Variants in GPC6 observed in about 807,000 individuals in gnomAD.
GPC6 encodes the protein glypican 6.
Under a neutral mutation model 55.2 loss-of-function variants are expected in GPC6, and 14 were observed. The observed-to-expected ratio is 0.25, with a 90% CI of 0.17 to 0.40. The LOEUF (loss-of-function observed/expected upper bound fraction) is 0.40, where lower values mean the gene tolerates loss of function less well. GPC6 is among the 10% of genes least tolerant of loss of function. The pLI, the probability that GPC6 is intolerant of heterozygous loss-of-function variation, is 1.00. For synonymous variants in GPC6, 278 were observed against 259.6 expected (o/e 1.07, Z -0.68); for missense variants, 641 against 708.5 (o/e 0.90, Z 1.08).
intron 1 of GPC6, among the ~76,000 whole-genome samples, chr13:93,536,959 G>A (rs1307160986): frequency 6.6e-6 from 1 of 152,084 alleles, no homozygotes; most frequent in Non-Finnish European, 1.5e-5. Flanking sequence ...TTTTCATTTT[G>A]TCAATTTGTT....
At chr13:94,354,184 G>A (rs1424614693) in intron 6 of GPC6, among the ~76,000 whole-genome samples, 1 of 152,038 alleles carries the variant, frequency 6.6e-6, no homozygotes, top group African/African-American at 2.4e-5. Context: ...TCAAACTTCT[G>A]CTCTCCAAGG....
chr13:93,554,866 C>T (rs1225228365), intron 2 of GPC6, among the ~76,000 whole-genome samples: 1 of 152,188 alleles, frequency 6.6e-6, no homozygotes, highest in African/African-American at 2.4e-5. Flanking sequence ...ATCACAGTTT[C>T]AGAATGTGCC....
intron 3 of GPC6, among the ~76,000 whole-genome samples, chr13:94,019,798 C>A (rs1566295894): frequency 6.6e-6 from 1 of 152,128 alleles, no homozygotes; most frequent in Non-Finnish European, 1.5e-5. Context: ...TTTAATCCAC[C>A]ACAGCGTACA....
chr13:93,726,322 T>G (rs568382689), intron 2 of GPC6, among the ~76,000 whole-genome samples: 2 of 152,166 alleles, frequency 1.3e-5, no homozygotes, highest in African/African-American at 4.8e-5. Context: ...AATAGCTCTT[T>G]GTCAGTTTCA....
chr13:93,806,387 G>T (rs1248908349), intron 2 of GPC6, among the ~76,000 whole-genome samples: 1 of 152,078 alleles, frequency 6.6e-6, no homozygotes, highest in East Asian at 1.9e-4. Context: ...ACCCAGGCTG[G>T]AGGGCAATGG....
intron 2 of GPC6, among the ~76,000 whole-genome samples, chr13:93,625,266 G>T (rs1326668356): frequency 6.6e-6 from 1 of 151,986 alleles, no homozygotes; most frequent in Admixed American, 6.6e-5. Flanking sequence ...TTATTTTTCT[G>T]CCCTATTTTC....
chr13:93,671,050 A>T (rs545319147), intron 2 of GPC6, among the ~76,000 whole-genome samples: 1 of 152,280 alleles, frequency 6.6e-6, no homozygotes, highest in African/African-American at 2.4e-5. Context: ...CATCTGCTTA[A>T]TGTCTCTCAA....
chr13:94,270,964 ATTTTTTTTTTTTTTTTTTTTTTT>A (rs764819082), intron 4 of GPC6, among the ~76,000 whole-genome samples: 1 of 49,672 alleles, frequency 2.0e-5, no homozygotes, highest in Admixed American at 3.3e-4. Context: ...GAGAAGTATA[ATTTTTTTTTTTTTTTTTTTTTTT>A]TTTTTTTTTT....
In GPC6 at chr13:94,275,112, C is replaced by T. The variant is rs565290178; in HGVS notation, c.878-11237C>T. On this transcript the variant is annotated intron_variant, in intron 4 of 8. Coordinates refer to ENST00000377047, the MANE Select transcript of GPC6 (RefSeq NM_005708.5). ...AAAATTATTCCAATGATTCTTTTAA[C>T]GAATGTTTAATAACACCTCTTAGGA... Among the ~76,000 whole-genome samples, 189 of 152,180 alleles carry T rather than the reference C, an allele frequency of 1.2e-3. 1 individual carries two copies. Among genetic ancestry groups the T allele is most frequent in the African/African-American group, 4.3e-3 (180 of 41,508 alleles).
At chr13:94,110,480 A>T (rs1219051090) in intron 4 of GPC6, among the ~76,000 whole-genome samples, 1 of 152,134 alleles carries the variant, frequency 6.6e-6, no homozygotes, top group African/African-American at 2.4e-5. Context: ...TCTTGAGGCA[A>T]GTAGAACAGT....
At chr13:94,393,242 T>C (rs1268207907) in intron 7 of GPC6, among the ~76,000 whole-genome samples, 1 of 152,122 alleles carries the variant, frequency 6.6e-6, no homozygotes, top group African/African-American at 2.4e-5. Context: ...ACATCGTATC[T>C]CCAGTGGGGT....
At chr13:93,513,531 A>C (rs1171831806) in intron 1 of GPC6, among the ~76,000 whole-genome samples, 6 of 152,128 alleles carry the variant, frequency 3.9e-5, no homozygotes, top group Admixed American at 3.9e-4. Flanking sequence ...GGTATTCTCA[A>C]AGTGAATCTT....
chr13:94,012,256 AT>A (rs112036905), intron 3 of GPC6, among the ~76,000 whole-genome samples: 9 of 151,762 alleles, frequency 5.9e-5, no homozygotes, highest in African/African-American at 1.9e-4. Flanking sequence ...TATTTCTCTT[AT>A]TTTTTTTCTC....
At chr13:94,344,156 G>A (rs770954624) in intron 6 of GPC6, among the ~76,000 whole-genome samples, 4 of 152,172 alleles carry the variant, frequency 2.6e-5, no homozygotes, top group Non-Finnish European at 5.9e-5. Context: ...GGACTAAAAT[G>A]GGCTCAGAGG....
At chr13:93,296,075 A>T (rs1397242562) in intron 1 of GPC6, among the ~76,000 whole-genome samples, 1 of 152,122 alleles carries the variant, frequency 6.6e-6, no homozygotes, top group African/African-American at 2.4e-5. Context: ...CCTACCTCTT[A>T]AAACAGGGGG....
chr13:93,992,323 A>G (rs1457559499), intron 3 of GPC6, among the ~76,000 whole-genome samples: 9 of 152,080 alleles, frequency 5.9e-5, no homozygotes, highest in African/African-American at 2.2e-4. Context: ...AATCTACTGT[A>G]TAAACAAGGT....
At chr13:93,956,529 A>G (rs1308587115) in intron 3 of GPC6, among the ~76,000 whole-genome samples, 1 of 152,246 alleles carries the variant, frequency 6.6e-6, no homozygotes, top group African/African-American at 2.4e-5. Context: ...CCAAAACAAA[A>G]TTGTGGAATA....
intron 4 of GPC6, among the ~76,000 whole-genome samples, chr13:94,153,966 T>C (rs1430350878): frequency 6.6e-6 from 1 of 152,184 alleles, no homozygotes; most frequent in African/African-American, 2.4e-5. Context: ...GAAAAAATAC[T>C]ATATAAGACT....
At chr13:94,121,425 TCTCAGTTTATTAAATAA>T (rs1415658029) in intron 4 of GPC6, among the ~76,000 whole-genome samples, 1 of 152,110 alleles carries the variant, frequency 6.6e-6, no homozygotes, top group African/African-American at 2.4e-5. Flanking sequence ...CACATCCAAA[TCTCAGTTTATTAAATAA>T]CTCGAAACAC....
Sources: allele counts gnomAD v4.1 joint callset (sites outside exome capture counted in the v4.1 genomes callset), GRCh38; gene constraint gnomAD v4.1.1; transcripts MANE v1.5; gene names NCBI Gene and HGNC (gene_info 2026-07-23, HGNC 2026-07-21).